COL22A1: variants seen among roughly 807,000 people sequenced by gnomAD.
The protein encoded by COL22A1 is collagen type XXII alpha 1 chain.
Under a neutral mutation model 248.9 loss-of-function variants are expected in COL22A1, and 221 were observed. The observed-to-expected ratio is 0.89, with a 90% CI of 0.80 to 0.99. The LOEUF is 0.99. COL22A1 is among the 50% of genes least tolerant of loss of function. The probability of loss-of-function intolerance (pLI) is 0.00; values close to 1 mark genes in which losing one functional copy is unlikely to be tolerated. For synonymous variants in COL22A1, 891 were observed against 793.4 expected (o/e 1.12, Z -2.07); for missense variants, 2,240 against 2,179.0 (o/e 1.03, Z -0.56).
chr8:138,785,548 G>A (rs548304499), intron 12 of COL22A1, among the ~76,000 whole-genome samples: 1 of 152,184 alleles, frequency 6.6e-6, no homozygotes, highest in South Asian at 2.1e-4. Context: ...ACCCACTTAC[G>A]ATGGCACGCC....
chr8:138,650,427 T>A (rs954163901), intron 45 of COL22A1, among the ~76,000 whole-genome samples: 2 of 152,180 alleles, frequency 1.3e-5, no homozygotes, highest in Non-Finnish European at 2.9e-5. Flanking sequence ...TCGAGTAAAT[T>A]TAAAGTCCTC....
intron 3 of COL22A1, among the ~76,000 whole-genome samples, chr8:138,858,567 A>G (rs575011753): frequency 4.6e-5 from 7 of 152,100 alleles, no homozygotes; most frequent in Middle Eastern, 3.4e-3. Flanking sequence ...GATTCTGACC[A>G]TGGAACCTGA....
chr8:138,833,271 G>T (rs1165619074), intron 4 of COL22A1, 121 bp from the exon 5 acceptor site: 2 of 691,202 alleles, frequency 2.9e-6, no homozygotes, highest in African/African-American at 1.8e-5. Flanking sequence ...AACAGATCGG[G>T]AGGGAGTTGT....
chr8:138,854,218 A>G (rs1376814257), intron 3 of COL22A1, among the ~76,000 whole-genome samples: 1 of 152,146 alleles, frequency 6.6e-6, no homozygotes, highest in African/African-American at 2.4e-5. Context: ...TGGCCTCACT[A>G]AAGAGCAGAG....
At chr8:138,872,356 C>T (rs922812963) in intron 3 of COL22A1, among the ~76,000 whole-genome samples, 1 of 152,144 alleles carries the variant, frequency 6.6e-6, no homozygotes, top group African/African-American at 2.4e-5. Context: ...TGCTTCTTTG[C>T]TCTAATCCAG....
intron 3 of COL22A1, among the ~76,000 whole-genome samples, chr8:138,853,853 C>G (rs547132793): frequency 6.6e-6 from 1 of 152,188 alleles, no homozygotes; most frequent in Non-Finnish European, 1.5e-5. Flanking sequence ...AGTAACAGAA[C>G]TCATTAATAC....
rs376899371 is a variant in COL22A1 at position 138,716,898 on chromosome 8, A to T, written c.2356-29T>A. 38 of 1,572,838 alleles carry T rather than the reference A, an allele frequency of 2.4e-5. No individual in the cohort carries two copies. The African/African-American group carries it at 5.1e-4, about 21-fold the overall frequency. Reference sequence around the variant, plus strand: ...AAAATGCAATAAAACATACCCCATTATTCTCCATTCACTTTAAAGAGATGA... The same window carrying T: ...AAAATGCAATAAAACATACCCCATTTTTCTCCATTCACTTTAAAGAGATGA... On this transcript the variant is annotated intron_variant, in intron 27 of 64. Coordinates refer to ENST00000303045, the MANE Select transcript of COL22A1 (RefSeq NM_152888.3).
intron 34 of COL22A1, 23 bp from the exon 35 acceptor site, chr8:138,693,722 G>A: frequency 6.4e-7 from 1 of 1,558,020 alleles, no homozygotes; most frequent in Non-Finnish European, 8.7e-7. Context: ...TAAAAGAGGG[G>A]CGGGGGTAAG....
intron 39 of COL22A1, among the ~76,000 whole-genome samples, chr8:138,680,999 G>C (rs1040836105): frequency 6.6e-6 from 1 of 152,124 alleles, no homozygotes; most frequent in African/African-American, 2.4e-5. Flanking sequence ...CCCGGGGGGG[G>C]TCTCAGCCTG....
chr8:138,796,760 C>G, intron 12 of COL22A1, 59 bp downstream of exon 12: 2 of 1,185,500 alleles, frequency 1.7e-6, no homozygotes, highest in South Asian at 1.2e-5. Context: ...ACACCTCCCC[C>G]AAACCTAAGT....
intron 3 of COL22A1, among the ~76,000 whole-genome samples, chr8:138,848,624 G>A (rs1013534192): frequency 6.6e-6 from 1 of 152,176 alleles, no homozygotes; most frequent in African/African-American, 2.4e-5. Context: ...AGTTTTTCCA[G>A]TTGGGAACGG....
chr8:138,772,875 C>G (rs1274636951), intron 16 of COL22A1, among the ~76,000 whole-genome samples: 1 of 151,850 alleles, frequency 6.6e-6, no homozygotes, highest in African/African-American at 2.4e-5. Flanking sequence ...AAAAATAAAA[C>G]AAAAAACAAC....
intron 1 of COL22A1, among the ~76,000 whole-genome samples, chr8:138,901,374 T>G (rs1337661991): frequency 2.2e-5 from 3 of 139,052 alleles, no homozygotes; most frequent in Admixed American, 7.2e-5. Context: ...TTTTTGTTTT[T>G]TTTTTTTTTT....
At chr8:138,901,567 A>T (rs563338377) in intron 1 of COL22A1, among the ~76,000 whole-genome samples, 6 of 151,898 alleles carry the variant, frequency 4.0e-5, no homozygotes, top group African/African-American at 1.4e-4. Context: ...GGGTTTCACC[A>T]TGTTGCCTAG....
At chr8:138,596,394 C>T (rs553081917) in intron 62 of COL22A1, among the ~76,000 whole-genome samples, 1 of 152,200 alleles carries the variant, frequency 6.6e-6, no homozygotes, top group Admixed American at 6.5e-5. Context: ...ATGGCCCCTC[C>T]TCCAGGAAGC....
chr8:138,660,457 T>C lies in COL22A1; in HGVS notation c.3264A>G (p.Glu1088=), dbSNP rs1355712820. The C allele has an allele frequency of 6.2e-7, 1 of 1,613,584 alleles. No individual in the cohort carries two copies. Among genetic ancestry groups the C allele is most frequent in the Non-Finnish European group, 8.5e-7 (1 of 1,179,476 alleles). The change falls in exon 44 of 65, where the codon GAA becomes GAG. Residue 1088 remains glutamate (E), a synonymous_variant. Coordinates refer to ENST00000303045, the MANE Select transcript of COL22A1 (RefSeq NM_152888.3). Reference sequence around the variant, plus strand: ...ATACCGGCTTGCCAGGAGGCCCTCTTTCTCCTGGATTTCCTGGTGCACCCT... The same window carrying C: ...ATACCGGCTTGCCAGGAGGCCCTCTCTCTCCTGGATTTCCTGGTGCACCCT... ...GRDGAPGNPG[E]RGPPGKPGLS...
At chr8:138,829,906 G>C (rs1395705082) in intron 5 of COL22A1, among the ~76,000 whole-genome samples, 1 of 152,002 alleles carries the variant, frequency 6.6e-6, no homozygotes, top group Non-Finnish European at 1.5e-5. Flanking sequence ...CTTTTGCTTA[G>C]GTTATACACA....
chr8:138,604,617 G>A, intron 59 of COL22A1, 117 bp downstream of exon 59: 2 of 823,518 alleles, frequency 2.4e-6, no homozygotes, highest in Middle Eastern at 3.0e-4. Flanking sequence ...TCAAAACAGT[G>A]AAGGTAGAGA....
intron 23 of COL22A1, among the ~76,000 whole-genome samples, chr8:138,735,658 T>C (rs550506811): frequency 1.1e-4 from 16 of 152,276 alleles, no homozygotes; most frequent in African/African-American, 3.6e-4. Context: ...TCATTATTAA[T>C]AGCAAAATGC....
Sources: allele counts gnomAD v4.1 joint callset (sites outside exome capture counted in the v4.1 genomes callset), GRCh38; gene constraint gnomAD v4.1.1; transcripts MANE v1.5; gene names NCBI Gene and HGNC (gene_info 2026-07-23, HGNC 2026-07-21).